Variants in ATRNL1 observed in about 807,000 individuals in gnomAD.
ATRNL1 encodes attractin-like protein 1.
Under a neutral mutation model 182.7 loss-of-function variants are expected in ATRNL1, and 95 were observed. That is an observed-to-expected ratio of 0.52 (90% confidence interval 0.44 to 0.62). The LOEUF is 0.62. ATRNL1 is among the 20% of genes least tolerant of loss of function. ATRNL1 has a pLI of 0.00. For missense variants in ATRNL1, 1,471 were observed against 1,679.5 expected (o/e 0.88, Z 2.17); for synonymous variants, 576 against 568.3 (o/e 1.01, Z -0.19).
chr10:115,556,133 ATATGT>A (rs1397247316), intron 26 of ATRNL1, among the ~76,000 whole-genome samples: 4 of 152,172 alleles, frequency 2.6e-5, no homozygotes, highest in African/African-American at 7.2e-5. Flanking sequence ...TGTACTGGAA[ATATGT>A]TATATTTCAT....
intron 21 of ATRNL1, among the ~76,000 whole-genome samples, chr10:115,429,458 A>C (rs1478453880): frequency 6.6e-6 from 1 of 152,182 alleles, no homozygotes; most frequent in Non-Finnish European, 1.5e-5. Flanking sequence ...CTTATCAGGT[A>C]GGATGTTTAT....
chr10:115,835,034 A>G (rs917062693), intron 27 of ATRNL1, among the ~76,000 whole-genome samples: 1 of 152,158 alleles, frequency 6.6e-6, no homozygotes, highest in Non-Finnish European at 1.5e-5. Context: ...TGCTCAGTAA[A>G]TAGTACATGC....
At chr10:115,545,553 A>G (rs1264728486) in intron 25 of ATRNL1, among the ~76,000 whole-genome samples, 2 of 152,196 alleles carry the variant, frequency 1.3e-5, no homozygotes, top group Non-Finnish European at 1.5e-5. Context: ...GTCCTTATAC[A>G]TCATTACAAA....
intron 10 of ATRNL1, among the ~76,000 whole-genome samples, chr10:115,259,808 G>A (rs1264869717): frequency 6.6e-6 from 1 of 152,054 alleles, no homozygotes; most frequent in Admixed American, 6.6e-5. Flanking sequence ...AGAAGACATA[G>A]GCTTTCATTG....
At chr10:115,491,109 C>T (rs577448376) in intron 24 of ATRNL1, among the ~76,000 whole-genome samples, 347 of 152,266 alleles carry the variant, frequency 2.3e-3, no homozygotes, top group Non-Finnish European at 3.3e-3. Flanking sequence ...CAGCAAGCTT[C>T]GTTCCAGAGG....
At chr10:115,608,611 A>G (rs571971157) in intron 26 of ATRNL1, among the ~76,000 whole-genome samples, 85 of 152,144 alleles carry the variant, frequency 5.6e-4, no homozygotes, top group African/African-American at 2.0e-3. Flanking sequence ...CAATGACTAG[A>G]TTTTTTATTA....
chr10:115,455,531 C>T (rs1182416805), intron 21 of ATRNL1, among the ~76,000 whole-genome samples: 2 of 152,020 alleles, frequency 1.3e-5, no homozygotes, highest in African/African-American at 4.8e-5. Context: ...CCATAAAATC[C>T]CTAGAAGAAA....
At chr10:115,578,696 A>C (rs1389832043) in intron 26 of ATRNL1, among the ~76,000 whole-genome samples, 2 of 151,342 alleles carry the variant, frequency 1.3e-5, no homozygotes, top group Non-Finnish European at 3.0e-5. Flanking sequence ...TAGTTTTGTT[A>C]ATATTTCCTA....
At chr10:115,239,978 G>A (rs1389330688) in intron 9 of ATRNL1, among the ~76,000 whole-genome samples, 1 of 152,098 alleles carries the variant, frequency 6.6e-6, no homozygotes, top group African/African-American at 2.4e-5. Flanking sequence ...TATGTTCTTG[G>A]CTTTACTTGC....
At chr10:115,823,296 T>A (rs1555091038) in intron 27 of ATRNL1, among the ~76,000 whole-genome samples, 3 of 152,156 alleles carry the variant, frequency 2.0e-5, no homozygotes, top group Non-Finnish European at 4.4e-5. Context: ...TAAGAGATAT[T>A]TATGACAGAC....
intron 26 of ATRNL1, among the ~76,000 whole-genome samples, chr10:115,679,987 C>T (rs961742890): frequency 1.3e-5 from 2 of 152,076 alleles, no homozygotes; most frequent in African/African-American, 4.8e-5. Context: ...TGATCTGTCT[C>T]CCACTTTATC....
chr10:115,450,723 C>G (rs535064241), intron 21 of ATRNL1, among the ~76,000 whole-genome samples: 2 of 152,270 alleles, frequency 1.3e-5, no homozygotes, highest in South Asian at 4.1e-4. Context: ...AGATTCAATG[C>G]TATTCCCATA....
intron 25 of ATRNL1, among the ~76,000 whole-genome samples, chr10:115,536,563 C>A (rs1300374567): frequency 6.6e-6 from 1 of 152,216 alleles, no homozygotes; most frequent in African/African-American, 2.4e-5. Context: ...CTTGTGCTTC[C>A]CAAGTGAGGC....
At chr10:115,461,032 A>G (rs1274566389) in intron 21 of ATRNL1, among the ~76,000 whole-genome samples, 3 of 152,150 alleles carry the variant, frequency 2.0e-5, no homozygotes, top group African/African-American at 7.2e-5. Context: ...GTTGAATCTT[A>G]TAAAGTATAC....
chr10:115,271,165 T>TACACACACACACACACACAC (rs59638255), intron 13 of ATRNL1, among the ~76,000 whole-genome samples: 99 of 146,016 alleles, frequency 6.8e-4, no homozygotes, highest in African/African-American at 2.5e-3. Flanking sequence ...ACAAAGATAT[T>TACACACACACACACACACAC]ACACACACAC....
chr10:115,415,028 A>G (rs1845322897), intron 20 of ATRNL1, among the ~76,000 whole-genome samples: 1 of 152,040 alleles, frequency 6.6e-6, no homozygotes, highest in Admixed American at 6.6e-5. Flanking sequence ...GTTTTATAAT[A>G]TTGGAGGTTT....
intron 20 of ATRNL1, among the ~76,000 whole-genome samples, chr10:115,408,947 G>C (rs2134331122): frequency 6.6e-6 from 1 of 152,220 alleles, no homozygotes; most frequent in South Asian, 2.1e-4. Context: ...TTTTATGCCA[G>C]TACCTGTCAT....
At chr10:115,411,346 T>C (rs1419303425) in intron 20 of ATRNL1, among the ~76,000 whole-genome samples, 3 of 151,772 alleles carry the variant, frequency 2.0e-5, no homozygotes, top group Admixed American at 2.0e-4. Context: ...AGAATTATTT[T>C]ATATTTTGTT....
At chr10:115,298,192 A>C (rs1853299992) in intron 15 of ATRNL1, among the ~76,000 whole-genome samples, 1 of 152,114 alleles carries the variant, frequency 6.6e-6, no homozygotes, top group Non-Finnish European at 1.5e-5. Flanking sequence ...CTTTTTTGGC[A>C]AATAAAGATT....
Sources: gnomAD v4.1 joint callset for allele counts (sites outside exome capture counted in the v4.1 genomes callset) on GRCh38, gnomAD v4.1.1 for gene constraint, MANE v1.5 for transcripts, NCBI Gene and HGNC (gene_info 2026-07-23, HGNC 2026-07-21) for gene names.